Variants in RAP1GDS1 observed in about 807,000 individuals in gnomAD.
The protein encoded by RAP1GDS1 is RAP1, GTP-GDP dissociation stimulator 1.
A neutral mutation model predicts 71.1 loss-of-function variants in RAP1GDS1; 35 were observed. The observed-to-expected ratio is 0.49, with a 90% CI of 0.38 to 0.65. RAP1GDS1 has a LOEUF of 0.65. Ranked by LOEUF, RAP1GDS1 falls within the 30% of genes least tolerant of loss-of-function variation. The pLI, the probability that RAP1GDS1 is intolerant of heterozygous loss-of-function variation, is 0.00. For missense variants in RAP1GDS1, 663 were observed against 706.1 expected (o/e 0.94, Z 0.69); for synonymous variants, 229 against 243.1 (o/e 0.94, Z 0.54).
chr4:98,358,573 C>A (rs567797021), intron 4 of RAP1GDS1, among the ~76,000 whole-genome samples: 24 of 152,020 alleles, frequency 1.6e-4, no homozygotes, highest in Non-Finnish European at 2.9e-4. Flanking sequence ...TATCCAAGTT[C>A]TATTTCTTGA....
intron 1 of RAP1GDS1, among the ~76,000 whole-genome samples, chr4:98,279,840 T>C (rs1724794922): frequency 2.0e-5 from 3 of 152,210 alleles, no homozygotes; most frequent in African/African-American, 2.4e-5. Flanking sequence ...TTCCCACCTA[T>C]GAGTGAGAAC....
At chr4:98,414,048 C>T (rs1333285138) in intron 7 of RAP1GDS1, among the ~76,000 whole-genome samples, 1 of 151,836 alleles carries the variant, frequency 6.6e-6, no homozygotes, top group Non-Finnish European at 1.5e-5. Flanking sequence ...TGTCCTTCGC[C>T]CACTTTTTGA....
chr4:98,295,402 A>G (rs552855893), intron 2 of RAP1GDS1, among the ~76,000 whole-genome samples: 1 of 152,126 alleles, frequency 6.6e-6, no homozygotes, highest in Non-Finnish European at 1.5e-5. Context: ...CCTCAAGCCT[A>G]AGACTACTGA....
chr4:98,349,191 A>G (rs369344411), intron 3 of RAP1GDS1, among the ~76,000 whole-genome samples: 5 of 152,144 alleles, frequency 3.3e-5, no homozygotes, highest in African/African-American at 7.2e-5. Flanking sequence ...CATATGGCTA[A>G]CCAGTTTTCC....
At chr4:98,342,273 A>C (rs1165637524) in intron 2 of RAP1GDS1, among the ~76,000 whole-genome samples, 1 of 152,208 alleles carries the variant, frequency 6.6e-6, no homozygotes, top group Non-Finnish European at 1.5e-5. Context: ...ATGTATATCC[A>C]AGAATCTAAA....
intron 12 of RAP1GDS1, among the ~76,000 whole-genome samples, chr4:98,429,912 A>T (rs962414179): frequency 1.3e-5 from 2 of 152,224 alleles, no homozygotes; most frequent in South Asian, 2.1e-4. Context: ...TAACAGAATT[A>T]CATAACCAAA....
chr4:98,367,104 T>G (rs1402235356), intron 4 of RAP1GDS1, among the ~76,000 whole-genome samples: 1 of 152,084 alleles, frequency 6.6e-6, no homozygotes, highest in Non-Finnish European at 1.5e-5. Flanking sequence ...AAAAGATGGT[T>G]TTGTGGGCCG....
rs561518139 is a variant in RAP1GDS1 at position 98,422,194 on chromosome 4, C to T, written c.1440+800C>T. ...CAGCCTGGGTGACAGAGCAAGACTCCGTCTCAAAATAAAATAAAATACTGT... is the reference window on the plus strand; with the variant it reads ...CAGCCTGGGTGACAGAGCAAGACTCTGTCTCAAAATAAAATAAAATACTGT... On this transcript the variant is annotated intron_variant, in intron 12 of 14. Coordinates refer to ENST00000408927, the MANE Select transcript of RAP1GDS1 (RefSeq NM_001100427.2). Among the ~76,000 whole-genome samples, 181 of 152,020 alleles carry T rather than the reference C, an allele frequency of 1.2e-3. 1 individual carries two copies. In the South Asian group the frequency reaches 0.018, roughly 15 times the overall value.
At chr4:98,300,870 C>G (rs1728479042) in intron 2 of RAP1GDS1, among the ~76,000 whole-genome samples, 1 of 152,154 alleles carries the variant, frequency 6.6e-6, no homozygotes, top group Non-Finnish European at 1.5e-5. Flanking sequence ...CTAGATTACT[C>G]CATGAGTCTT....
At chr4:98,405,168 A>G (rs1345617294) in intron 7 of RAP1GDS1, among the ~76,000 whole-genome samples, 1 of 152,190 alleles carries the variant, frequency 6.6e-6, no homozygotes, top group African/African-American at 2.4e-5. Flanking sequence ...ATTATTAGAC[A>G]CTGATTCAAA....
intron 5 of RAP1GDS1, among the ~76,000 whole-genome samples, chr4:98,380,805 T>C (rs1420569817): frequency 1.3e-5 from 2 of 151,740 alleles, no homozygotes; most frequent in African/African-American, 2.4e-5. Context: ...GAAATATAAA[T>C]GAAAGAAATT....
Position 98,417,383 on chromosome 4 carries a change from G to A in RAP1GDS1, c.924G>A (p.Lys308=), listed in dbSNP as rs753504812. ...LLLLGDESMQ[K]LFEGGKGSVF... The stretch of plus-strand genomic sequence containing the variant: ...TACCTCCAGATGAATCCATGCAGAA[G>A]TTATTTGAAGGAGGAAAAGGTAGTG... Residue 308 remains lysine, a synonymous_variant, in exon 9 of 15, where the codon AAG becomes AAA. Coordinates refer to ENST00000408927, the MANE Select transcript of RAP1GDS1 (RefSeq NM_001100427.2). The A allele has an allele frequency of 1.2e-6, 2 of 1,612,414 alleles. No individual in the cohort carries two copies. Among genetic ancestry groups the A allele is most frequent in the East Asian group, 4.5e-5 (2 of 44,824 alleles).
At chr4:98,319,125 A>C (rs1242646740) in intron 2 of RAP1GDS1, among the ~76,000 whole-genome samples, 1 of 152,182 alleles carries the variant, frequency 6.6e-6, no homozygotes, top group Non-Finnish European at 1.5e-5. Flanking sequence ...GCTTCTATAC[A>C]TATCTGTCTC....
At chr4:98,293,722 A>C (rs557335473) in intron 2 of RAP1GDS1, among the ~76,000 whole-genome samples, 9 of 152,196 alleles carry the variant, frequency 5.9e-5, no homozygotes, top group African/African-American at 2.2e-4. Flanking sequence ...CCAAGCTGAT[A>C]GGCAAAGAAA....
At chr4:98,296,935 G>C (rs1428720074) in intron 2 of RAP1GDS1, 1 of 355,756 alleles carries the variant, frequency 2.8e-6, no homozygotes, top group Admixed American at 3.3e-5. Flanking sequence ...ACCATTTTGT[G>C]TTGCCGGGGG....
intron 1 of RAP1GDS1, among the ~76,000 whole-genome samples, chr4:98,284,227 GT>G (rs1300085886): frequency 6.6e-6 from 1 of 152,028 alleles, no homozygotes; most frequent in Non-Finnish European, 1.5e-5. Context: ...TATCTGTAGG[GT>G]TTTTTCCCCT....
At chr4:98,438,368 T>G (rs990232498) in intron 14 of RAP1GDS1, among the ~76,000 whole-genome samples, 2 of 151,734 alleles carry the variant, frequency 1.3e-5, no homozygotes, top group African/African-American at 4.8e-5. Flanking sequence ...TGAAGTGAGT[T>G]TCCTGTATAC....
intron 2 of RAP1GDS1, among the ~76,000 whole-genome samples, chr4:98,328,314 GA>G (rs1361106233): frequency 1.3e-5 from 2 of 152,182 alleles, no homozygotes; most frequent in East Asian, 3.9e-4. Context: ...CCTATCAAGT[GA>G]AAAAAAGTAG....
In RAP1GDS1 at chr4:98,282,224, G is replaced by A. The variant is rs1054104162; in HGVS notation, c.5-11184G>A. Among the ~76,000 whole-genome samples, 42 of 152,286 alleles carry A rather than the reference G, an allele frequency of 2.8e-4. 1 individual carries two copies. Among genetic ancestry groups the A allele is most frequent in the African/African-American group, 9.9e-4 (41 of 41,548 alleles). On this transcript the variant is annotated intron_variant, in intron 1 of 14. Coordinates refer to ENST00000408927, the MANE Select transcript of RAP1GDS1 (RefSeq NM_001100427.2). Reference sequence around the variant, plus strand: ...TGTACCTCTGGTAGAATTCGGCTGTGAATCCGTCTGTCCCTGGACTTTTTT... The same window carrying A: ...TGTACCTCTGGTAGAATTCGGCTGTAAATCCGTCTGTCCCTGGACTTTTTT...
Sources: gnomAD v4.1 joint callset for allele counts (sites outside exome capture counted in the v4.1 genomes callset) on GRCh38, gnomAD v4.1.1 for gene constraint, MANE v1.5 for transcripts, NCBI Gene and HGNC (gene_info 2026-07-23, HGNC 2026-07-21) for gene names.